ANK3: variants seen among roughly 807,000 people sequenced by gnomAD.
ANK3 encodes the protein ankyrin 3.
ANK3 carries 57 observed loss-of-function variants against 370.9 expected under a neutral mutation model. The observed-to-expected ratio is 0.15, with a 90% CI of 0.12 to 0.19. The LOEUF is 0.19. Among genes scored for constraint, ANK3 ranks in the 10% least tolerant of loss-of-function variants. The pLI is 1.00. For missense variants in ANK3, 4,439 were observed against 5,302.1 expected (o/e 0.84, Z 5.06); for synonymous variants, 1,929 against 1,946.3 (o/e 0.99, Z 0.23).
At chr10:60,125,352 T>C (rs537336597) in intron 25 of ANK3, among the ~76,000 whole-genome samples, 4 of 152,198 alleles carry the variant, frequency 2.6e-5, no homozygotes, top group Non-Finnish European at 5.9e-5. Context: ...AACACCCAGC[T>C]TGAGACATCA....
At chr10:60,498,642 T>A in intron 2 of ANK3, among the ~76,000 whole-genome samples, 1 of 152,182 alleles carries the variant, frequency 6.6e-6, no homozygotes, top group East Asian at 1.9e-4. Context: ...CCTCCCATCT[T>A]GGCCTCCCAA....
chr10:60,728,383 G>A (rs1478592283), intron 1 of ANK3, among the ~76,000 whole-genome samples: 5 of 152,058 alleles, frequency 3.3e-5, no homozygotes, highest in Non-Finnish European at 7.4e-5. Context: ...CAATCGTAGG[G>A]AGCACAATTG....
chr10:60,435,921 A>G (rs2064144083), intron 2 of ANK3, among the ~76,000 whole-genome samples: 1 of 152,148 alleles, frequency 6.6e-6, no homozygotes, highest in Admixed American at 6.5e-5. Flanking sequence ...CCCCGTCTCT[A>G]CTAAAAATAC....
At chr10:60,317,122 T>A (rs1426929324) in intron 1 of ANK3, among the ~76,000 whole-genome samples, 2 of 151,866 alleles carry the variant, frequency 1.3e-5, no homozygotes, top group Non-Finnish European at 2.9e-5. Flanking sequence ...GCATACTAAC[T>A]TTTATTGAAT....
At chr10:60,278,903 C>T (rs761975684) in intron 3 of ANK3, 31 bp from the exon 4 acceptor site, 24 of 1,603,430 alleles carry the variant, frequency 1.5e-5, no homozygotes, top group Non-Finnish European at 2.0e-5. Flanking sequence ...TATATCAACT[C>T]ATCGATCTTT....
intron 1 of ANK3, among the ~76,000 whole-genome samples, chr10:60,647,230 G>A (rs1223398931): frequency 6.6e-6 from 1 of 152,150 alleles, no homozygotes; most frequent in Non-Finnish European, 1.5e-5. Flanking sequence ...CACCTGAAAT[G>A]ATGTAATTTA....
chr10:60,370,862 T>A (rs2060012801), intron 1 of ANK3, among the ~76,000 whole-genome samples: 1 of 152,206 alleles, frequency 6.6e-6, no homozygotes, highest in Admixed American at 6.5e-5. Context: ...AGATAACATT[T>A]CTTACTTTGC....
chr10:60,650,336 A>G (rs1282452513), intron 1 of ANK3, among the ~76,000 whole-genome samples: 1 of 149,574 alleles, frequency 6.7e-6, no homozygotes, highest in Non-Finnish European at 1.5e-5. Flanking sequence ...CAGGGACTGA[A>G]TAGCTCACAA....
intron 1 of ANK3, among the ~76,000 whole-genome samples, chr10:60,632,752 C>T (rs2078501496): frequency 6.6e-6 from 1 of 151,998 alleles, no homozygotes; most frequent in Non-Finnish European, 1.5e-5. Context: ...TAGCCAGGCA[C>T]AGTGGCTCAT....
chr10:60,388,892 G>T (rs2062801989), intron 1 of ANK3, among the ~76,000 whole-genome samples: 1 of 152,116 alleles, frequency 6.6e-6, no homozygotes, highest in African/African-American at 2.4e-5. Context: ...ATAAAAATAA[G>T]AGGCAAAAGG....
intron 2 of ANK3, among the ~76,000 whole-genome samples, chr10:60,422,708 G>A (rs1025649755): frequency 6.6e-6 from 1 of 151,698 alleles, no homozygotes; most frequent in African/African-American, 2.4e-5. Flanking sequence ...CTGTTACAAG[G>A]GAAGTTTTAA....
chr10:60,138,156 C>T (rs1430673895), intron 24 of ANK3, among the ~76,000 whole-genome samples: 1 of 152,136 alleles, frequency 6.6e-6, no homozygotes, highest in African/African-American at 2.4e-5. Context: ...TGGGAAGTGC[C>T]ATTTACTATT....
chr10:60,612,336 G>A (rs2078212067), intron 2 of ANK3, among the ~76,000 whole-genome samples: 1 of 152,106 alleles, frequency 6.6e-6, no homozygotes, highest in African/African-American at 2.4e-5. Flanking sequence ...TGAGGCAGAT[G>A]AGTATATACC....
chr10:60,115,697 T>G (rs2093032763), intron 25 of ANK3, among the ~76,000 whole-genome samples: 1 of 151,790 alleles, frequency 6.6e-6, no homozygotes, highest in Non-Finnish European at 1.5e-5. Flanking sequence ...TTAGACACAA[T>G]ATAAAAGAGG....
At chr10:60,048,708 G>A (rs2077349051) in intron 42 of ANK3, among the ~76,000 whole-genome samples, 1 of 151,816 alleles carries the variant, frequency 6.6e-6, no homozygotes, top group African/African-American at 2.4e-5. Context: ...GGTTGGTTGA[G>A]TTTGTGCATG....
In ANK3 at chr10:60,411,579, G is replaced by T. The variant is rs78854691; in HGVS notation, c.97-131940C>A. Reference sequence around the variant, plus strand: ...TGGCAGAGAGCCTAACTCCAGCTGGGGCAGGTACCTCTGTGCCCCTCTCAC... The same window carrying T: ...TGGCAGAGAGCCTAACTCCAGCTGGTGCAGGTACCTCTGTGCCCCTCTCAC... On this transcript the variant is annotated intron_variant, in intron 2 of 43. Transcript: ENST00000373827. 9.5e-3 allele frequency among the ~76,000 whole-genome samples: 1,448 copies of T among 152,176 alleles called. 10 individuals carry two copies. Among genetic ancestry groups the T allele is most frequent in the African/African-American group, 0.016 (684 of 41,522 alleles).
At chr10:60,455,541 A>G (rs1021844072) in intron 2 of ANK3, among the ~76,000 whole-genome samples, 1 of 152,210 alleles carries the variant, frequency 6.6e-6, no homozygotes, top group African/African-American at 2.4e-5. Flanking sequence ...TAAAACTATT[A>G]TATGTTCATT....
chr10:60,244,148 C>A (rs550404993), intron 7 of ANK3, among the ~76,000 whole-genome samples: 1 of 152,100 alleles, frequency 6.6e-6, no homozygotes, highest in Non-Finnish European at 1.5e-5. Flanking sequence ...ATGAAATAAT[C>A]ATCAAAACAG....
rs1475468824 is a variant in ANK3, at chr10:60,261,769, A to G, written c.798+90T>C. ...TCACTGACTGGAAGGACTCTTGGAGAAAATTTGTCCCAACATCCTCATGTT... is the reference window on the plus strand; with the variant it reads ...TCACTGACTGGAAGGACTCTTGGAGGAAATTTGTCCCAACATCCTCATGTT... On this transcript the variant is annotated intron_variant, in intron 7 of 43. Coordinates refer to ENST00000280772, the MANE Select transcript of ANK3 (RefSeq NM_020987.5). 2.6e-6 allele frequency: 3 copies of G among 1,142,904 alleles called. No individual in the cohort carries two copies. In the African/African-American group the frequency reaches 4.6e-5, roughly 17 times the overall value. 70.8% of individuals were successfully genotyped at this position (1,142,904 alleles called of 1,614,324 possible). A position where few individuals can be genotyped will look rare whatever the true frequency, so the allele number is the denominator to read the frequency against.
Sources: gnomAD v4.1 joint callset for allele counts (sites outside exome capture counted in the v4.1 genomes callset) on GRCh38, gnomAD v4.1.1 for gene constraint, MANE v1.5 for transcripts, NCBI Gene and HGNC (gene_info 2026-07-23, HGNC 2026-07-21) for gene names.